The following TUSC3 variants were observed in gnomAD, a reference collection of about 807,000 sequenced individuals.
TUSC3 encodes dolichyl-diphosphooligosaccharide--protein glycosyltransferase subunit TUSC3.
A neutral mutation model predicts 44.8 loss-of-function variants in TUSC3; 45 were observed. The observed-to-expected ratio is 1.00, with a 90% CI of 0.79 to 1.29. The LOEUF (loss-of-function observed/expected upper bound fraction) is 1.29, where lower values mean the gene tolerates loss of function less well. TUSC3 is among the 50% of genes most tolerant of loss of function. The pLI is 0.00. For synonymous variants in TUSC3, 212 were observed against 152.9 expected, an observed-to-expected ratio of 1.39 and a Z score of -2.85; for missense variants, 519 against 437.9, an observed-to-expected ratio of 1.19 and a Z score of -1.65.
chr8:15,775,218 A>G, the TUSC3 span, among the ~76,000 whole-genome samples: 1 of 152,204 alleles, frequency 6.6e-6, no homozygotes, highest in African/African-American at 2.4e-5. Context: ...AAAGCCACAT[A>G]GTATATCATT....
intron 6 of TUSC3, among the ~76,000 whole-genome samples, chr8:15,720,156 G>C (rs1810238710): frequency 6.7e-6 from 1 of 149,726 alleles, no homozygotes; most frequent in Non-Finnish European, 1.5e-5. Flanking sequence ...ATTTATAGTA[G>C]AAGCAGAAGT....
At chr8:15,731,441 T>C (rs1227889965) in intron 7 of TUSC3, among the ~76,000 whole-genome samples, 1 of 152,176 alleles carries the variant, frequency 6.6e-6, no homozygotes, top group African/African-American at 2.4e-5. Flanking sequence ...GTTACTAAGA[T>C]TCATATTCAA....
intron 1 of TUSC3, among the ~76,000 whole-genome samples, chr8:15,590,114 ACAG>A (rs1803763992): frequency 6.6e-6 from 1 of 152,208 alleles, no homozygotes; most frequent in Non-Finnish European, 1.5e-5. Context: ...TTGTATTGTA[ACAG>A]AGGTGATAGA....
chr8:15,469,120 T>A (rs1052011204), intron 1 of TUSC3, among the ~76,000 whole-genome samples: 1 of 152,148 alleles, frequency 6.6e-6, no homozygotes, highest in African/African-American at 2.4e-5. Flanking sequence ...ATGAAGCAAT[T>A]TGAACCACCA....
At chr8:15,509,819 G>A (rs762357093) in intron 2 of TUSC3, among the ~76,000 whole-genome samples, 3 of 152,148 alleles carry the variant, frequency 2.0e-5, no homozygotes, top group African/African-American at 4.8e-5. Flanking sequence ...GTGAATCTAT[G>A]AGGAGACTGT....
chr8:15,496,763 G>A (rs779774644), intron 2 of TUSC3, among the ~76,000 whole-genome samples: 1 of 152,134 alleles, frequency 6.6e-6, no homozygotes, highest in Non-Finnish European at 1.5e-5. Flanking sequence ...GGTCGTTTTA[G>A]CACGGTCATT....
chr8:15,540,138 G>A (rs1351735531), upstream of TUSC3: 2 of 385,550 alleles, frequency 5.2e-6, no homozygotes, highest in Non-Finnish European at 4.6e-6. Flanking sequence ...CGCTGGTCCG[G>A]GAAAGGCAAG....
intron 1 of TUSC3, among the ~76,000 whole-genome samples, chr8:15,620,875 G>C (rs1245860526): frequency 3.3e-5 from 5 of 152,150 alleles, no homozygotes; most frequent in Admixed American, 2.0e-4. Context: ...ACCTTTTACA[G>C]TTACTTACTG....
intron 2 of TUSC3, among the ~76,000 whole-genome samples, chr8:15,636,214 TAGC>T (rs1330573050): frequency 6.6e-6 from 1 of 152,150 alleles, no homozygotes; most frequent in South Asian, 2.1e-4. Flanking sequence ...GATTTCAACT[TAGC>T]AGAATCATCA....
chr8:15,662,121 C>G (rs758326576), intron 4 of TUSC3, 35 bp from the exon 5 acceptor site: 1 of 1,610,912 alleles, frequency 6.2e-7, no homozygotes, highest in Non-Finnish European at 8.5e-7. Context: ...TTTTATTTTT[C>G]TTTCATTTTT....
chr8:15,576,472 C>T (rs1477903322), intron 1 of TUSC3, among the ~76,000 whole-genome samples: 1 of 123,000 alleles, frequency 8.1e-6, no homozygotes, highest in Non-Finnish European at 1.7e-5. Context: ...TCCCCCCACC[C>T]CACCACAGTC....
intron 1 of TUSC3, among the ~76,000 whole-genome samples, chr8:15,459,091 C>T (rs1226356199): frequency 1.3e-5 from 2 of 152,174 alleles, no homozygotes; most frequent in Non-Finnish European, 2.9e-5. Flanking sequence ...TATCTATACT[C>T]CTAGCCTTAT....
At chr8:15,745,755 C>CTGTCT (rs1260170061) in intron 8 of TUSC3, among the ~76,000 whole-genome samples, 1 of 151,626 alleles carries the variant, frequency 6.6e-6, no homozygotes, top group Non-Finnish European at 1.5e-5. Flanking sequence ...TCTGTTTACT[C>CTGTCT]TGTCTTGTTG....
At chr8:15,610,121 A>T (rs1472624670) in intron 1 of TUSC3, among the ~76,000 whole-genome samples, 1 of 152,148 alleles carries the variant, frequency 6.6e-6, no homozygotes, top group Non-Finnish European at 1.5e-5. Context: ...TGATGAATAA[A>T]TTATAATCAG....
intron 1 of TUSC3, among the ~76,000 whole-genome samples, chr8:15,605,677 C>T (rs1352107252): frequency 1.3e-5 from 2 of 151,820 alleles, no homozygotes; most frequent in South Asian, 2.1e-4. Flanking sequence ...CTATTTTCAT[C>T]GTTTAGTACC....
chr8:15,748,140 C>G (rs1811502026), intron 8 of TUSC3, among the ~76,000 whole-genome samples: 1 of 151,934 alleles, frequency 6.6e-6, no homozygotes, highest in Admixed American at 6.6e-5. Context: ...TGTTTTCATA[C>G]CACAAATAGT....
rs1208578570 is a variant in TUSC3 at position 15,558,334 on chromosome 8, C to T, written c.138+17766C>T. ...ATTGATTTGCGTATATTGAACCAGCCTTGCCGTCCCAGGGATGAAGCCCAC... is the reference window on the plus strand; with the variant it reads ...ATTGATTTGCGTATATTGAACCAGCTTTGCCGTCCCAGGGATGAAGCCCAC... On this transcript the variant is annotated intron_variant, in intron 1 of 10. Transcript: ENST00000503731. Among the ~76,000 whole-genome samples the T allele has an allele frequency of 4.2e-5, 2 of 47,494 alleles. 1 individual carries two copies. The highest frequency in any genetic ancestry group is 1.3e-4 in the Non-Finnish European group (2 of 15,560). 31.2% of individuals were successfully genotyped at this position (47,494 alleles called of 152,430 possible).
At chr8:15,653,814 A>T (rs746597309) in intron 3 of TUSC3, among the ~76,000 whole-genome samples, 1 of 152,192 alleles carries the variant, frequency 6.6e-6, no homozygotes, top group African/African-American at 2.4e-5. Context: ...TTGCTGAAGT[A>T]CTGTCTCTGA....
rs528521666 is a variant in TUSC3 at position 15,559,063 on chromosome 8, C to G, written c.138+18495C>G. Among the ~76,000 whole-genome samples the G allele has an allele frequency of 2.5e-3, 358 of 145,238 alleles. 4 individuals are homozygous for G. Among genetic ancestry groups the G allele is most frequent in the African/African-American group, 8.6e-3 (343 of 39,720 alleles). ...CTGCTAGCTTTTGAATGTGTTTGCT[C>G]TTGCTTTTCTAGTTCTTTTAATTGT... On this transcript the variant is annotated intron_variant, in intron 1 of 10. Coordinates refer to ENST00000503731, the MANE Select transcript of TUSC3 (RefSeq NM_006765.4).
Sources: gnomAD v4.1 joint callset for allele counts (sites outside exome capture counted in the v4.1 genomes callset) on GRCh38, gnomAD v4.1.1 for gene constraint, MANE v1.5 for transcripts, NCBI Gene and HGNC (gene_info 2026-07-23, HGNC 2026-07-21) for gene names.